The following UGT2B7 variants were observed in gnomAD, a reference collection of about 807,000 sequenced individuals.
UGT2B7 encodes the protein UDP-glucuronosyltransferase 2B7.
In UGT2B7, 51 loss-of-function variants were observed where a neutral mutation model predicts 51.9. The observed-to-expected ratio is 0.98, with a 90% CI of 0.78 to 1.24. The LOEUF is 1.24. Among genes scored for constraint, UGT2B7 ranks in the 50% most tolerant of loss-of-function variants. UGT2B7 has a pLI of 0.00. For synonymous variants in UGT2B7, 225 were observed against 211.6 expected (o/e 1.06, Z -0.55); for missense variants, 727 against 628.4 (o/e 1.16, Z -1.68).
intron 5 of UGT2B7, among the ~76,000 whole-genome samples, chr4:69,109,372 A>C (rs1719707440): frequency 6.6e-6 from 1 of 152,146 alleles, no homozygotes; most frequent in African/African-American, 2.4e-5. Flanking sequence ...ACATGGTTCC[A>C]ATTCCTCCAT....
intron 1 of UGT2B7, among the ~76,000 whole-genome samples, chr4:69,060,583 G>A (rs548842415): frequency 1.3e-5 from 2 of 152,322 alleles, no homozygotes; most frequent in Non-Finnish European, 2.9e-5. Context: ...GGGAATGGCC[G>A]TAAGAGTTCT....
upstream of UGT2B7, among the ~76,000 whole-genome samples, chr4:69,096,248 A>C (rs1211687089): frequency 6.6e-6 from 1 of 152,180 alleles, no homozygotes; most frequent in Non-Finnish European, 1.5e-5. Flanking sequence ...TGCATAAGAC[A>C]GATGGCATGT....
chr4:69,076,715 T>C (rs532650933), intron 1 of UGT2B7, among the ~76,000 whole-genome samples: 3 of 152,316 alleles, frequency 2.0e-5, no homozygotes, highest in Non-Finnish European at 4.4e-5. Context: ...TAAAAAAATT[T>C]TTCCCATTCT....
intron 1 of UGT2B7, among the ~76,000 whole-genome samples, chr4:69,072,147 G>A (rs1417836757): frequency 6.6e-6 from 1 of 152,054 alleles, no homozygotes; most frequent in African/African-American, 2.4e-5. Flanking sequence ...TTACTTGATA[G>A]AGACTCATAA....
chr4:69,102,702 C>G, intron 2 of UGT2B7, 105 bp from the exon 3 acceptor site: 19 of 1,503,812 alleles, frequency 1.3e-5, no homozygotes, highest in Non-Finnish European at 1.7e-5. Context: ...TCCAATAATT[C>G]CTCAAAATAC....
At chr4:69,079,145 A>G (rs887099450) in intron 1 of UGT2B7, among the ~76,000 whole-genome samples, 1 of 152,130 alleles carries the variant, frequency 6.6e-6, no homozygotes, top group African/African-American at 2.4e-5. Flanking sequence ...AGCGTTGCCC[A>G]TCTGGCTAAC....
intron 3 of UGT2B7, among the ~76,000 whole-genome samples, chr4:69,104,229 G>A (rs566032671): frequency 3.1e-4 from 47 of 152,234 alleles, no homozygotes; most frequent in African/African-American, 1.1e-3. Context: ...AGAGGTTGCA[G>A]TGAGCCAAGA....
At chr4:69,052,561 G>C (rs1295475137) in intron 1 of UGT2B7, among the ~76,000 whole-genome samples, 1 of 20,248 alleles carries the variant, frequency 4.9e-5, no homozygotes, top group Non-Finnish European at 8.6e-5. Context: ...AAAAGAAATG[G>C]TTATCTTCAA....
At chr4:69,090,618 A>G (rs1367136632) in intron 2 of UGT2B7, among the ~76,000 whole-genome samples, 1 of 152,146 alleles carries the variant, frequency 6.6e-6, no homozygotes, top group Non-Finnish European at 1.5e-5. Flanking sequence ...ACTCATCCCC[A>G]TGATTCAATT....
chr4:69,072,795 C>T (rs1185882501), intron 1 of UGT2B7, among the ~76,000 whole-genome samples: 4 of 152,022 alleles, frequency 2.6e-5, no homozygotes, highest in African/African-American at 9.7e-5. Context: ...GATCCTGATT[C>T]AGTATCATAA....
intron 3 of UGT2B7, among the ~76,000 whole-genome samples, chr4:69,105,444 T>C (rs1041399507): frequency 3.3e-5 from 5 of 152,218 alleles, no homozygotes; most frequent in African/African-American, 9.6e-5. Flanking sequence ...AATTATTGTT[T>C]AGTTTATGAG....
intron 2 of UGT2B7, among the ~76,000 whole-genome samples, chr4:69,101,721 G>C (rs184302034): frequency 6.6e-6 from 1 of 152,156 alleles, no homozygotes; most frequent in East Asian, 1.9e-4. Context: ...GTGAAGAACA[G>C]TTAGGAAAAG....
chr4:69,107,948 C>A (rs908812697), intron 4 of UGT2B7, among the ~76,000 whole-genome samples, 155 bp from the exon 5 acceptor site: 6 of 152,036 alleles, frequency 3.9e-5, no homozygotes, highest in African/African-American at 1.4e-4. Context: ...AGTTACATAC[C>A]CAGTACAAGT....
At chr4:69,082,565 C>T (rs1718863984) in intron 1 of UGT2B7, among the ~76,000 whole-genome samples, 1 of 152,016 alleles carries the variant, frequency 6.6e-6, no homozygotes, top group Admixed American at 6.6e-5. Flanking sequence ...TAACCCTAAT[C>T]CAGAGCAAGA....
In UGT2B7 at chr4:69,096,656, C is replaced by T. The variant is rs1156473639; in HGVS notation, c.136C>T (p.Leu46Phe). ...GAATATAAAGACAATCCTGGATGAG[C>T]TTATTCAGAGAGGTCATGAGGTGAC... The part of the protein sequence containing the change: ...WMNIKTILDE[L>F]IQRGHEVTVL... Residue 46 changes from leucine to phenylalanine, a missense_variant, in exon 1 of 6, where the codon CTT becomes TTT. Transcript: ENST00000305231. The T allele has an allele frequency of 6.2e-7, 1 of 1,613,966 alleles. No individual in the cohort carries two copies. The highest frequency in any genetic ancestry group is 2.2e-5 in the East Asian group (1 of 44,868).
At chr4:69,068,025 T>C (rs1718519374) in intron 1 of UGT2B7, among the ~76,000 whole-genome samples, 1 of 152,132 alleles carries the variant, frequency 6.6e-6, no homozygotes, top group African/African-American at 2.4e-5. Context: ...AAACATTTTT[T>C]GTCTATATTG....
intron 2 of UGT2B7, among the ~76,000 whole-genome samples, chr4:69,101,794 G>T (rs1399316433): frequency 6.6e-6 from 1 of 152,024 alleles, no homozygotes; most frequent in Non-Finnish European, 1.5e-5. Flanking sequence ...ATTGGACAAC[G>T]CAAGTCAGAA....
In UGT2B7 at chr4:69,063,913, A is replaced by G. The variant is rs569435598; in HGVS notation, c.-159+12311A>G. Among the ~76,000 whole-genome samples the G allele has an allele frequency of 3.8e-4, 58 of 152,074 alleles. 1 individual carries two copies. In the South Asian group the frequency reaches 0.012, roughly 31 times the overall value. ...CACTGATGGCTCTAAACAAGTATCA[A>G]CCCGTACCAAACAGAGAAGAACTGA... is the stretch of plus-strand genomic sequence containing the variant. On this transcript the variant is annotated intron_variant, in intron 1 of 5. Coordinates refer to the UGT2B7 transcript ENST00000502942.
In UGT2B7 at chr4:69,112,833, AG is replaced by A; in HGVS notation, c.*98del. Reference sequence around the variant, plus strand: ...GTGATGCAAGATTTCTTTCTTCCTGAGACAAAAAAAAAAAAAGAAAAAAAAA... The same window carrying A: ...GTGATGCAAGATTTCTTTCTTCCTGAACAAAAAAAAAAAAAGAAAAAAAAA... On this transcript the variant is annotated 3_prime_UTR_variant, in exon 6 of 6. Transcript: ENST00000305231. The A allele has an allele frequency of 1.4e-5, 17 of 1,250,612 alleles. No homozygotes were observed. Among genetic ancestry groups the A allele is most frequent in the South Asian group, 6.5e-5 (3 of 46,090 alleles). 77.5% of individuals were successfully genotyped at this position (1,250,612 alleles called of 1,614,324 possible). A position where few individuals can be genotyped will look rare whatever the true frequency, so the allele number is the denominator to read the frequency against.
Sources: allele counts gnomAD v4.1 joint callset (sites outside exome capture counted in the v4.1 genomes callset), GRCh38; gene constraint gnomAD v4.1.1; transcripts MANE v1.5; gene names NCBI Gene and HGNC (gene_info 2026-07-23, HGNC 2026-07-21).